Variants in SETD1B observed in about 807,000 individuals in gnomAD.
SETD1B encodes the protein histone-lysine N-methyltransferase SETD1B.
A neutral mutation model predicts 148.0 loss-of-function variants in SETD1B; 7 were observed. The ratio of observed to expected loss-of-function variants is 0.05; its 90% CI spans 0.03 to 0.09. SETD1B has a LOEUF of 0.09. Ranked by LOEUF, SETD1B falls within the 10% of genes least tolerant of loss-of-function variation. SETD1B has a pLI of 1.00. For missense variants in SETD1B, 2,155 were observed against 2,729.9 expected (o/e 0.79, Z 4.69); for synonymous variants, 1,361 against 1,186.5 (o/e 1.15, Z -3.02).
intron 16 of SETD1B, among the ~76,000 whole-genome samples, chr12:121,829,554 G>A (rs936559629): frequency 2.0e-5 from 3 of 152,228 alleles, no homozygotes; most frequent in Non-Finnish European, 4.4e-5. Context: ...TTGCATTTAT[G>A]GGCTTGGAGG....
In SETD1B at chr12:121,810,286, G is replaced by A. The variant is rs758331807; in HGVS notation, c.1341G>A (p.Lys447=). Residue 447 remains lysine, a synonymous_variant, in exon 6 of 17, where the codon AAG becomes AAA. Transcript: ENST00000604567. The surrounding 1 kb of genome is among the most constrained non-coding windows in gnomAD (Gnocchi z 7.6). ...LPPAEPLAKE[K]PGTPPGPPPP... ...CTGCTGAGCCTCTGGCCAAGGAGAAGCCAGGCACGCCACCCGGCCCGCCGC... is the reference window on the plus strand; with the variant it reads ...CTGCTGAGCCTCTGGCCAAGGAGAAACCAGGCACGCCACCCGGCCCGCCGC... 660 of 1,543,496 alleles carry A rather than the reference G, an allele frequency of 4.3e-4. 7 individuals carry two copies. The Middle Eastern group carries it at 0.017, about 39-fold the overall frequency.
At chr12:121,796,742 C>T in the SETD1B span, among the ~76,000 whole-genome samples, 1 of 152,226 alleles carries the variant, frequency 6.6e-6, no homozygotes, top group Non-Finnish European at 1.5e-5. Flanking sequence ...TCAGCAACAG[C>T]TCAAAACATT....
Position 121,808,086 on chromosome 12 carries a change from C to A in SETD1B, c.545-122C>A. 1.5e-6 allele frequency: 1 copy of A among 683,780 alleles called. No homozygotes were observed. The highest frequency in any genetic ancestry group is 2.5e-6 in the Non-Finnish European group (1 of 398,654). The allele number at this position is 683,780 out of a possible 1,614,324, so 42.4% of individuals were successfully genotyped here. A position where few individuals can be genotyped will look rare whatever the true frequency, so the allele number is the denominator to read the frequency against. On this transcript the variant is annotated intron_variant, in intron 4 of 16. Transcript: ENST00000604567. The surrounding 1 kb of genome is among the most constrained non-coding windows in gnomAD (Gnocchi z 5.3). ...GGGTGGGAACTCAGGGCCACACAGCCTCCCTAGGACTGGGGTCTCGGGCAC... is the reference window on the plus strand; with the variant it reads ...GGGTGGGAACTCAGGGCCACACAGCATCCCTAGGACTGGGGTCTCGGGCAC...
chr12:121,810,853 C>T lies in SETD1B; in HGVS notation c.1890+18C>T, dbSNP rs1413931836. On this transcript the variant is annotated intron_variant, in intron 6 of 16. Transcript: ENST00000604567. This position sits in a 1 kb window ranked among gnomAD's most constrained non-coding sequence, Gnocchi z 7.6. ...TGGATGAGGTACCACCGTGTCTGTC[C>T]ATCTGTCTGGGACTGGTTTTGTCTA... The T allele has an allele frequency of 4.7e-6, 7 of 1,477,254 alleles. No homozygotes were observed. The highest frequency in any genetic ancestry group is 1.4e-5 in the African/African-American group (1 of 70,558). 91.5% of individuals were successfully genotyped at this position (1,477,254 alleles called of 1,614,324 possible). A position where few individuals can be genotyped will look rare whatever the true frequency, so the allele number is the denominator to read the frequency against.
chr12:121,827,049 GTGGTGACTGAAGGTCACAGCA>G (rs1225489845), intron 13 of SETD1B, among the ~76,000 whole-genome samples: 3 of 152,122 alleles, frequency 2.0e-5, no homozygotes, highest in African/African-American at 4.8e-5. Context: ...CAGGAGAGAA[GTGGTGACTGAAGGTCACAGCA>G]GGGTGACCTC....
At chr12:121,807,853 C>T (rs1253193159) in intron 4 of SETD1B, among the ~76,000 whole-genome samples, 1 of 140,344 alleles carries the variant, frequency 7.1e-6, no homozygotes, top group Non-Finnish European at 1.5e-5. Flanking sequence ...GGGTATTGAG[C>T]AGAAAGGGGA....
chr12:121,827,719 C>T lies in SETD1B; in HGVS notation c.5470-16C>T. On this transcript the variant is annotated splice_polypyrimidine_tract_variant and intron_variant, in intron 14 of 16. Transcript: ENST00000604567. ...CTGAGACCGGGGCTCACCTCTCCCC[C>T]TCTTCCCTCCCACAGTTCCGGAAGA... 4 of 1,551,850 alleles carry T rather than the reference C, an allele frequency of 2.6e-6. No homozygotes were observed. The highest frequency in any genetic ancestry group is 3.5e-6 in the Non-Finnish European group (4 of 1,147,038).
Position 121,808,158 on chromosome 12 carries a change from T to A in SETD1B, c.545-50T>A, listed in dbSNP as rs779223810. On this transcript the variant is annotated intron_variant, in intron 4 of 16. Transcript: ENST00000604567. This position sits in a 1 kb window ranked among gnomAD's most constrained non-coding sequence, Gnocchi z 5.3. ...CACAGGTTGGAATCCTTGTGGGGGCTGCCCCATCCTGGAACCTCACTGAGT... is the reference window on the plus strand; with the variant it reads ...CACAGGTTGGAATCCTTGTGGGGGCAGCCCCATCCTGGAACCTCACTGAGT... The A allele has an allele frequency of 1.3e-5, 19 of 1,421,946 alleles. No homozygotes were observed. In the South Asian group the frequency reaches 2.4e-4, roughly 18 times the overall value. 88.1% of individuals were successfully genotyped at this position (1,421,946 alleles called of 1,614,324 possible).
chr12:121,799,736 T>TGGGGGGGGA (rs1459030938), upstream of SETD1B: 1 of 30,934 alleles, frequency 3.2e-5, no homozygotes. Context: ...GGGGGTGGGG[T>TGGGGGGGGA]GGGGCGGGGC....
At chr12:121,826,572 A>G (rs1317900203) in intron 13 of SETD1B, among the ~76,000 whole-genome samples, 2 of 152,158 alleles carry the variant, frequency 1.3e-5, no homozygotes, top group Admixed American at 1.3e-4. Context: ...ACAGGCCACC[A>G]GGGTCGGGGG....
the SETD1B span, chr12:121,796,330 G>A: frequency 2.6e-5 from 4 of 152,980 alleles, no homozygotes; most frequent in African/African-American, 9.6e-5. Flanking sequence ...GGGAGCGGCC[G>A]GGTGGCATTT....
rs2137589075 is a variant in SETD1B, at chr12:121,827,591, C to T, written c.5410C>T (p.Leu1804=). The T allele has an allele frequency of 1.3e-6, 2 of 1,551,266 alleles. No individual in the cohort carries two copies. The highest frequency in any genetic ancestry group is 2.4e-5 in the East Asian group (1 of 40,922). The change falls in exon 14 of 17, where the codon CTG becomes TTG. Residue 1804 remains leucine, a synonymous_variant. Transcript: ENST00000604567. ...GGAGCGGCGTTCGGAGCAGCGCCGCCTGCTGTCCTCCTTCACTGGCAGCTG... is the reference window on the plus strand; with the variant it reads ...GGAGCGGCGTTCGGAGCAGCGCCGCTTGCTGTCCTCCTTCACTGGCAGCTG... ...GSERRSEQRR[L]LSSFTGSCDS...
At position 121,822,959 on chromosome 12, in the gene SETD1B, GC is replaced by G; in HGVS notation, c.4384del (p.Leu1462TrpfsTer54). The G allele has an allele frequency of 6.5e-7, 1 of 1,538,638 alleles. No homozygotes were observed. On this transcript the variant is annotated frameshift_variant, in exon 12 of 17. Transcript: ENST00000604567. LOFTEE classifies it high-confidence loss of function. ...PTGRRDERSG[P>X]LASPVLLETG... Reference sequence around the variant, plus strand: ...CTGGCCGACGCGATGAACGCTCCGGGCCCCTGGCCTCCCCGGTGCTCCTGGA... The same window carrying G: ...CTGGCCGACGCGATGAACGCTCCGGGCCCTGGCCTCCCCGGTGCTCCTGGA...
chr12:121,801,112 G>T (rs550586612), upstream of SETD1B: 5 of 152,202 alleles, frequency 3.3e-5, no homozygotes, highest in African/African-American at 1.2e-4. Context: ...CATGGACGCC[G>T]GCCTTTTGTC....
chr12:121,802,048 C>T (rs1875394621), upstream of SETD1B: 1 of 152,180 alleles, frequency 6.6e-6, no homozygotes, highest in South Asian at 2.1e-4. Flanking sequence ...ACCAGCTCCC[C>T]CCAACCCCCA....
chr12:121,801,443 C>G (rs890517327), upstream of SETD1B: 3 of 152,458 alleles, frequency 2.0e-5, no homozygotes, highest in Non-Finnish European at 4.4e-5. Context: ...ACTGCCCGCT[C>G]CGGCTGCCAA....
chr12:121,826,289 C>T (rs966301439), intron 13 of SETD1B, among the ~76,000 whole-genome samples: 8 of 152,086 alleles, frequency 5.3e-5, no homozygotes, highest in East Asian at 1.9e-4. Context: ...AGGGAAAATG[C>T]GATGGAGAAA....
rs1306932963 is a variant in SETD1B, at chr12:121,831,893, G to GT, written c.*1656dup. The GT allele has an allele frequency of 8.5e-6, 1 of 117,164 alleles. No homozygotes were observed. The highest frequency in any genetic ancestry group is 2.1e-5 in the Non-Finnish European group (1 of 47,608). 7.3% of individuals were successfully genotyped at this position (117,164 alleles called of 1,614,324 possible). On this transcript the variant is annotated 3_prime_UTR_variant, in exon 17 of 17. Coordinates refer to ENST00000604567, the MANE Select transcript of SETD1B (RefSeq NM_001353345.2). ...TTGGTGGTTTTGTTGTGTGTTTTTTGTTGTTTTTTTTTTATTCCTTTCCCC... is the reference window on the plus strand; with the variant it reads ...TTGGTGGTTTTGTTGTGTGTTTTTTGTTTGTTTTTTTTTTATTCCTTTCCCC...
chr12:121,810,839 C>T lies in SETD1B; in HGVS notation c.1890+4C>T. On this transcript the variant is annotated splice_donor_region_variant and intron_variant, in intron 6 of 16. Transcript: ENST00000604567. The surrounding 1 kb of genome is among the most constrained non-coding windows in gnomAD (Gnocchi z 7.6). Reference sequence around the variant, plus strand: ...GACCTCAGAGAAGATGGATGAGGTACCACCGTGTCTGTCCATCTGTCTGGG... The same window carrying T: ...GACCTCAGAGAAGATGGATGAGGTATCACCGTGTCTGTCCATCTGTCTGGG... 1 of 1,489,806 alleles carries T rather than the reference C, an allele frequency of 6.7e-7. No individual in the cohort carries two copies. Among genetic ancestry groups the T allele is most frequent in the East Asian group, 2.5e-5 (1 of 40,116 alleles). The allele number at this position is 1,489,806 out of a possible 1,614,324, so 92.3% of individuals were successfully genotyped here. A position where few individuals can be genotyped will look rare whatever the true frequency, so the allele number is the denominator to read the frequency against.
Sources: allele counts gnomAD v4.1 joint callset (sites outside exome capture counted in the v4.1 genomes callset), GRCh38; gene constraint gnomAD v4.1.1; non-coding constraint Gnocchi (gnomAD v3.1); transcripts MANE v1.5; gene names NCBI Gene and HGNC (gene_info 2026-07-23, HGNC 2026-07-21).